Variants in ANKRD12 observed in about 807,000 individuals in gnomAD.
The protein encoded by ANKRD12 is ankyrin repeat domain-containing protein 12.
A neutral mutation model predicts 183.4 loss-of-function variants in ANKRD12; 85 were observed. That is an observed-to-expected ratio of 0.46 (90% confidence interval 0.39 to 0.56). The LOEUF is 0.56. Ranked by LOEUF, ANKRD12 falls within the 20% of genes least tolerant of loss-of-function variation. ANKRD12 has a pLI of 0.00. For synonymous variants in ANKRD12, 914 were observed against 800.2 expected (o/e 1.14, Z -2.40); for missense variants, 2,405 against 2,357.1 (o/e 1.02, Z -0.42).
Position 9,279,620 on chromosome 18 carries a change from G to A in ANKRD12, c.5979G>A (p.Val1993=). The A allele has an allele frequency of 1.9e-6, 3 of 1,605,682 alleles. No homozygotes were observed. Among genetic ancestry groups the A allele is most frequent in the Non-Finnish European group, 2.5e-6 (3 of 1,177,342 alleles). The change falls in exon 12 of 13, where the codon GTG becomes GTA. Residue 1993 remains valine (V), a synonymous_variant. Transcript: ENST00000262126. The stretch of plus-strand genomic sequence containing the variant: ...AATTCATGTCTTGGTTACAAGATGT[G>A]GATGATAAATTTGACAAATTAAAGG... ...ARQFMSWLQD[V]DDKFDKLKTC...
At position 9,257,899 on chromosome 18, in the gene ANKRD12, T is replaced by C; in HGVS notation, c.4632T>C (p.Asp1544=). 2 of 1,613,764 alleles carry C rather than the reference T, an allele frequency of 1.2e-6. No individual in the cohort carries two copies. The highest frequency in any genetic ancestry group is 1.7e-6 in the Non-Finnish European group (2 of 1,179,822). ...ALDTDNESTK[D]TENTFVLGDV... is the part of the protein sequence containing the mutation. ...ATACTGATAATGAATCTACAAAAGATACAGAAAATACTTTTGTCCTAGGAG... is the reference window on the plus strand; with the variant it reads ...ATACTGATAATGAATCTACAAAAGACACAGAAAATACTTTTGTCCTAGGAG... The change falls in exon 9 of 13, where the codon GAT becomes GAC. Residue 1544 remains aspartate (D), a synonymous_variant. Coordinates refer to ENST00000262126, the MANE Select transcript of ANKRD12 (RefSeq NM_015208.5).
At chr18:9,171,822 C>T (rs539071805) in intron 1 of ANKRD12, among the ~76,000 whole-genome samples, 2 of 152,098 alleles carry the variant, frequency 1.3e-5, no homozygotes, top group East Asian at 3.9e-4. Flanking sequence ...GAGTTCGAGA[C>T]CAGCCTAGCC....
At chr18:9,185,407 G>T (rs1455639087) in intron 2 of ANKRD12, among the ~76,000 whole-genome samples, 1 of 152,206 alleles carries the variant, frequency 6.6e-6, no homozygotes, top group African/African-American at 2.4e-5. Flanking sequence ...AGAAAAAATA[G>T]TCTGGGTCCA....
chr18:9,258,177 T>C lies in ANKRD12; in HGVS notation c.4910T>C (p.Leu1637Pro). The C allele has an allele frequency of 6.2e-7, 1 of 1,613,856 alleles. No individual in the cohort carries two copies. Among genetic ancestry groups the C allele is most frequent in the Non-Finnish European group, 8.5e-7 (1 of 1,179,946 alleles). The change falls in exon 9 of 13, where the codon CTG (leucine) becomes CCG (proline). Residue 1637 changes from leucine to proline, a missense_variant. Physicochemically the swap from Leu to Pro is moderately conservative, Grantham distance 98. Around this residue, in one of 7 missense-constraint regions of ANKRD12, gnomAD observed 1,983 missense variants for 1,725.9 expected, o/e 1.15. Coordinates refer to ENST00000262126, the MANE Select transcript of ANKRD12 (RefSeq NM_015208.5). ...QVISHEKENK[L>P]ESLVLTHLSR... Reference sequence around the variant, plus strand: ...ATTTCACATGAAAAAGAAAACAAACTGGAGAGTTTGGTTTTAACTCATTTG... The same window carrying C: ...ATTTCACATGAAAAAGAAAACAAACCGGAGAGTTTGGTTTTAACTCATTTG...
At chr18:9,226,151 C>G (rs1050856816) in intron 8 of ANKRD12, among the ~76,000 whole-genome samples, 1 of 152,122 alleles carries the variant, frequency 6.6e-6, no homozygotes, top group African/African-American at 2.4e-5. Flanking sequence ...AGGCCGGGCA[C>G]GGTGGCTCAC....
chr18:9,137,201 G>A (rs1160111602), intron 1 of ANKRD12: 4 of 150,150 alleles, frequency 2.7e-5, no homozygotes, highest in Non-Finnish European at 5.9e-5. Context: ...AGTGCCCCCC[G>A]GCGCGGGTCC....
At chr18:9,206,533 T>C (rs2035494059) in intron 4 of ANKRD12, among the ~76,000 whole-genome samples, 1 of 152,086 alleles carries the variant, frequency 6.6e-6, no homozygotes, top group Admixed American at 6.5e-5. Flanking sequence ...CACAGTGTAG[T>C]TGTCTCTATC....
At chr18:9,228,629 A>G (rs1280745182) in intron 8 of ANKRD12, among the ~76,000 whole-genome samples, 1 of 152,068 alleles carries the variant, frequency 6.6e-6, no homozygotes, top group East Asian at 1.9e-4. Flanking sequence ...AATGTCTTCC[A>G]AGTCCTTTGC....
At chr18:9,279,758 T>C in intron 12 of ANKRD12, 114 bp downstream of exon 12, 1 of 614,034 alleles carries the variant, frequency 1.6e-6, no homozygotes, top group South Asian at 2.2e-5. Context: ...TGGTTAGTCA[T>C]GAATCCTCAC....
At chr18:9,168,964 C>T (rs1169277905) in intron 1 of ANKRD12, among the ~76,000 whole-genome samples, 5 of 152,050 alleles carry the variant, frequency 3.3e-5, no homozygotes, top group East Asian at 1.9e-4. Context: ...TTTCTGCCTT[C>T]GTTTCATTAT....
chr18:9,277,067 GTC>G (rs1192628288), intron 11 of ANKRD12, among the ~76,000 whole-genome samples: 2 of 152,186 alleles, frequency 1.3e-5, no homozygotes, highest in Non-Finnish European at 2.9e-5. Flanking sequence ...ACAATGAAAA[GTC>G]TCTTGATTTC....
chr18:9,181,644 G>A (rs1356868457), intron 1 of ANKRD12, among the ~76,000 whole-genome samples: 1 of 152,156 alleles, frequency 6.6e-6, no homozygotes, highest in African/African-American at 2.4e-5. Flanking sequence ...GCCACATGTA[G>A]GTAATAGATT....
At chr18:9,216,185 T>C (rs1482659763) in intron 6 of ANKRD12, among the ~76,000 whole-genome samples, 1 of 152,012 alleles carries the variant, frequency 6.6e-6, no homozygotes, top group Non-Finnish European at 1.5e-5. Flanking sequence ...ACACCAAATA[T>C]GCCTGCCTCT....
chr18:9,224,057 C>T (rs1347945218), intron 8 of ANKRD12, among the ~76,000 whole-genome samples: 1 of 152,042 alleles, frequency 6.6e-6, no homozygotes, highest in African/African-American at 2.4e-5. Flanking sequence ...TATTTCTAGA[C>T]AATATAGCAG....
intron 12 of ANKRD12, among the ~76,000 whole-genome samples, chr18:9,279,881 T>TA (rs1356867326): frequency 6.6e-6 from 1 of 152,182 alleles, no homozygotes; most frequent in East Asian, 1.9e-4. Flanking sequence ...TCTTCATGCT[T>TA]ACTATCCAAT....
In ANKRD12 at chr18:9,282,416, A is replaced by G. The variant is rs2040133037; in HGVS notation, c.*1290A>G. On this transcript the variant is annotated 3_prime_UTR_variant, in exon 13 of 13. Coordinates refer to ENST00000262126, the MANE Select transcript of ANKRD12 (RefSeq NM_015208.5). ...TGCAAAACATAATTTGCAAAATTTT[A>G]TAATTGAAATAAAACTTGGTATGCT... The G allele has an allele frequency of 2.0e-5, 3 of 152,568 alleles. No individual in the cohort carries two copies. The South Asian group carries it at 6.2e-4, about 32-fold the overall frequency. 9.5% of individuals were successfully genotyped at this position (152,568 alleles called of 1,614,324 possible).
chr18:9,212,686 C>T (rs1323532070), intron 6 of ANKRD12, among the ~76,000 whole-genome samples: 1 of 131,750 alleles, frequency 7.6e-6, no homozygotes, highest in Non-Finnish European at 1.8e-5. Context: ...ATGGAAATTG[C>T]CCCCCCCAAA....
At chr18:9,193,025 C>A (rs953671864) in intron 2 of ANKRD12, among the ~76,000 whole-genome samples, 2 of 151,976 alleles carry the variant, frequency 1.3e-5, no homozygotes, top group East Asian at 3.9e-4. Context: ...TTCTGGTTTT[C>A]CCTTCCTGTC....
chr18:9,199,467 T>G (rs2144485229), intron 3 of ANKRD12, among the ~76,000 whole-genome samples: 1 of 152,298 alleles, frequency 6.6e-6, no homozygotes, highest in Admixed American at 6.5e-5. Context: ...CTGTACCTGT[T>G]GGATGTGTTT....
Sources: allele counts gnomAD v4.1 joint callset (sites outside exome capture counted in the v4.1 genomes callset), GRCh38; gene constraint gnomAD v4.1.1; regional missense constraint gnomAD v4.1.1; transcripts MANE v1.5; gene names NCBI Gene and HGNC (gene_info 2026-07-23, HGNC 2026-07-21).